TPRG1: variants seen among roughly 807,000 people sequenced by gnomAD.
TPRG1 encodes tumor protein p63 regulated 1.
TPRG1 carries 29 observed loss-of-function variants against 29.3 expected under a neutral mutation model. That is an observed-to-expected ratio of 0.99 (90% confidence interval 0.74 to 1.35). The LOEUF (loss-of-function observed/expected upper bound fraction) is 1.35. Among genes scored for constraint, TPRG1 ranks in the 40% most tolerant of loss-of-function variants. The probability of loss-of-function intolerance (pLI) is 0.00; values close to 1 mark genes in which losing one functional copy is unlikely to be tolerated. For missense variants in TPRG1, 327 were observed against 335.0 expected, an observed-to-expected ratio of 0.98 and a Z score of 0.19; for synonymous variants, 130 against 116.8, an observed-to-expected ratio of 1.11 and a Z score of -0.73.
chr3:189,239,272 G>A (rs750658674), intron 4 of TPRG1, among the ~76,000 whole-genome samples: 1 of 152,072 alleles, frequency 6.6e-6, no homozygotes, highest in Non-Finnish European at 1.5e-5. Flanking sequence ...AAGGAAAAGT[G>A]GAAACCCCTG....
At position 189,072,677 on chromosome 3, in the gene TPRG1, G is replaced by T. The variant is rs143249077; in HGVS notation, c.-463+48731G>T. On this transcript the variant is annotated intron_variant, in intron 4 of 10. Coordinates refer to the TPRG1 transcript ENST00000433971. ...TTGTAGTGATATGCTTTTAGATTTT[G>T]CAAGTATTTTTTATAAAACTACCTT... Among the ~76,000 whole-genome samples the T allele has an allele frequency of 3.1e-3, 466 of 151,902 alleles. 2 individuals carry two copies. The highest frequency in any genetic ancestry group is 5.0e-3 in the Non-Finnish European group (343 of 67,936).
At chr3:189,086,798 GT>G (rs1335992785) in intron 4 of TPRG1, among the ~76,000 whole-genome samples, 1 of 152,116 alleles carries the variant, frequency 6.6e-6, no homozygotes, top group Non-Finnish European at 1.5e-5. Flanking sequence ...GAGAATGATA[GT>G]TTCCAGCTTC....
intron 4 of TPRG1, among the ~76,000 whole-genome samples, chr3:189,148,488 C>T (rs551109425): frequency 8.5e-4 from 130 of 152,266 alleles, no homozygotes; most frequent in Admixed American, 1.4e-3. Context: ...AAGCATGCCT[C>T]GCACTGTGGC....
At chr3:189,206,843 A>T (rs1329850407) in intron 1 of TPRG1, among the ~76,000 whole-genome samples, 1 of 113,552 alleles carries the variant, frequency 8.8e-6, no homozygotes, top group Non-Finnish European at 1.6e-5. Flanking sequence ...GCGTGTATGC[A>T]TGTGCGTGTG....
At chr3:189,026,375 G>A (rs192847039) in intron 4 of TPRG1, among the ~76,000 whole-genome samples, 1 of 152,218 alleles carries the variant, frequency 6.6e-6, no homozygotes, top group East Asian at 1.9e-4. Flanking sequence ...TTTAACCTTA[G>A]ACCTCTTTAA....
At chr3:189,262,203 G>GGTATAAGTATAAAAGTATAA (rs1713186963) in intron 4 of TPRG1, among the ~76,000 whole-genome samples, 2 of 141,422 alleles carry the variant, frequency 1.4e-5, no homozygotes, top group African/African-American at 5.5e-5. Context: ...GAGAAGACTT[G>GGTATAAGTATAAAAGTATAA]GTATAAGTAT....
Position 189,191,152 on chromosome 3 carries a change from G to A in TPRG1, c.-9-16224G>A, listed in dbSNP as rs530604879. Among the ~76,000 whole-genome samples, 11 of 152,160 alleles carry A rather than the reference G, an allele frequency of 7.2e-5. No individual in the cohort carries two copies. In the South Asian group the frequency reaches 1.0e-3, roughly 14 times the overall value. The stretch of plus-strand genomic sequence containing the variant: ...GTCATATATAATTTTATTTTCATAT[G>A]TGCACATATCTTTATTGTTTTGTTT... On this transcript the variant is annotated intron_variant, in intron 1 of 5. Coordinates refer to ENST00000345063, the MANE Select transcript of TPRG1 (RefSeq NM_198485.4).
intron 1 of TPRG1, among the ~76,000 whole-genome samples, chr3:189,181,941 AGGAG>A (rs1730283430): frequency 6.6e-6 from 1 of 152,230 alleles, no homozygotes; most frequent in African/African-American, 2.4e-5. Flanking sequence ...GTGGAAGGCA[AGGAG>A]GAGCAAGTCA....
chr3:189,207,693 T>A, intron 2 of TPRG1, 99 bp downstream of exon 2: 2 of 1,124,650 alleles, frequency 1.8e-6, no homozygotes, highest in Non-Finnish European at 1.3e-6. Context: ...TACTCACATT[T>A]GTCTCATGTA....
At chr3:189,007,815 CAT>C (rs1285349570) in intron 3 of TPRG1, among the ~76,000 whole-genome samples, 1 of 140,348 alleles carries the variant, frequency 7.1e-6, no homozygotes, top group Non-Finnish European at 1.5e-5. Flanking sequence ...CCAAACACCG[CAT>C]ATTCTCACTC....
At chr3:189,218,110 A>C in intron 3 of TPRG1, 3 of 875,008 alleles carry the variant, frequency 3.4e-6, no homozygotes, top group Non-Finnish European at 4.1e-6. Context: ...CCAACCACAC[A>C]AGATTCTCTC....
chr3:189,226,688 A>G (rs1000924486), intron 3 of TPRG1, among the ~76,000 whole-genome samples: 1 of 136,648 alleles, frequency 7.3e-6, no homozygotes, highest in African/African-American at 3.2e-5. Context: ...ATAGCAATCA[A>G]TGAAAAAATT....
intron 3 of TPRG1, among the ~76,000 whole-genome samples, chr3:189,221,703 C>T (rs1736961259): frequency 6.6e-6 from 1 of 152,130 alleles, no homozygotes; most frequent in Admixed American, 6.5e-5. Flanking sequence ...TTTCCAGGCA[C>T]AGGGTTGCCT....
chr3:189,153,464 G>C (rs946644790), intron 5 of TPRG1, among the ~76,000 whole-genome samples: 1 of 152,134 alleles, frequency 6.6e-6, no homozygotes, highest in Admixed American at 6.5e-5. Context: ...ATTTGCACTG[G>C]AGAATTGTTC....
At chr3:189,143,077 T>A (rs1724787741) in intron 3 of TPRG1, among the ~76,000 whole-genome samples, 1 of 152,224 alleles carries the variant, frequency 6.6e-6, no homozygotes, top group African/African-American at 2.4e-5. Flanking sequence ...AATAAGAGAT[T>A]TTTAAACTCG....
chr3:189,319,939 G>C (rs771040939), intron 5 of TPRG1, among the ~76,000 whole-genome samples: 1 of 151,906 alleles, frequency 6.6e-6, no homozygotes, highest in Non-Finnish European at 1.5e-5. Context: ...TCTTCTTCAC[G>C]TAACTAGCTC....
At chr3:189,316,807 A>G (rs1723608556) in intron 5 of TPRG1, among the ~76,000 whole-genome samples, 1 of 152,182 alleles carries the variant, frequency 6.6e-6, no homozygotes. Flanking sequence ...CTTTTAGGGA[A>G]AAGTATGTGG....
At chr3:189,082,042 A>G (rs1014533146) in intron 4 of TPRG1, among the ~76,000 whole-genome samples, 2 of 152,160 alleles carry the variant, frequency 1.3e-5, no homozygotes, top group African/African-American at 4.8e-5. Context: ...AGTGGACAAC[A>G]TTGGACTTGT....
intron 4 of TPRG1, among the ~76,000 whole-genome samples, chr3:189,069,782 A>T (rs1716695016): frequency 6.6e-6 from 1 of 152,234 alleles, no homozygotes; most frequent in South Asian, 2.1e-4. Context: ...ACTGAGGAAC[A>T]TACATACTAT....
Sources: gnomAD v4.1 joint callset for allele counts (sites outside exome capture counted in the v4.1 genomes callset) on GRCh38, gnomAD v4.1.1 for gene constraint, MANE v1.5 for transcripts, NCBI Gene and HGNC (gene_info 2026-07-23, HGNC 2026-07-21) for gene names.